The following NATD1 variants were observed in gnomAD, a reference collection of about 807,000 sequenced individuals.
The protein encoded by NATD1 is N-acetyltransferase domain containing 1.
In NATD1, 9 loss-of-function variants were observed where a neutral mutation model predicts 12.0. The observed-to-expected ratio is 0.75, with a 90% CI of 0.45 to 1.30. The LOEUF (loss-of-function observed/expected upper bound fraction) is 1.30. NATD1 is among the 50% of genes most tolerant of loss of function. The pLI, the probability that NATD1 is intolerant of heterozygous loss-of-function variation, is 0.00. For missense variants in NATD1, 148 were observed against 148.5 expected (o/e 1.00, Z 0.02); for synonymous variants, 71 against 65.9 (o/e 1.08, Z -0.37).
At chr17:21,246,864 A>G (rs1473589638) in intron 1 of NATD1, among the ~76,000 whole-genome samples, 2 of 152,168 alleles carry the variant, frequency 1.3e-5, no homozygotes, top group African/African-American at 4.8e-5. Flanking sequence ...AGCACGTGCA[A>G]AGGCCCTGGG....
chr17:21,243,254 G>A lies in NATD1; in HGVS notation c.*59C>T, dbSNP rs181131140. On this transcript the variant is annotated 3_prime_UTR_variant, in exon 3 of 3. Coordinates refer to ENST00000611551, the MANE Select transcript of NATD1 (RefSeq NM_152914.3). ...GACCAGGTTCCTGAGAGCACGTGGGGCCAGGCAAAGGCCACGTGGAAGAGT... is the reference window on the plus strand; with the variant it reads ...GACCAGGTTCCTGAGAGCACGTGGGACCAGGCAAAGGCCACGTGGAAGAGT... The A allele has an allele frequency of 1.4e-6, 2 of 1,415,048 alleles. No homozygotes were observed. The highest frequency in any genetic ancestry group is 1.9e-5 in the Admixed American group (1 of 53,902). The allele number at this position is 1,415,048 out of a possible 1,614,324, so 87.7% of individuals were successfully genotyped here. A position where few individuals can be genotyped will look rare whatever the true frequency, so the allele number is the denominator to read the frequency against.
At chr17:21,249,019 C>A (rs959102944) in intron 1 of NATD1, among the ~76,000 whole-genome samples, 1 of 152,108 alleles carries the variant, frequency 6.6e-6, no homozygotes, top group South Asian at 2.1e-4. Context: ...CACCCCCATG[C>A]TCTCTCTGCC....
At chr17:21,246,386 T>A (rs1208456394) in intron 1 of NATD1, among the ~76,000 whole-genome samples, 1 of 151,752 alleles carries the variant, frequency 6.6e-6, no homozygotes, top group Non-Finnish European at 1.5e-5. Context: ...TGGTAGCGGG[T>A]GCTTGTAATC....
intron 1 of NATD1, among the ~76,000 whole-genome samples, chr17:21,251,313 A>C (rs1463767027): frequency 1.4e-5 from 2 of 147,888 alleles, no homozygotes; most frequent in African/African-American, 2.5e-5. Context: ...AAAAAAAAAC[A>C]AACGTATCCC....
chr17:21,253,236 AGCGGCACG>A lies in NATD1; in HGVS notation c.21_28del (p.Val8GlyfsTer29), dbSNP rs1975396267. 7.0e-6 allele frequency: 7 copies of A among 997,974 alleles called. No individual in the cohort carries two copies. The highest frequency in any genetic ancestry group is 8.3e-6 in the Non-Finnish European group (7 of 840,086). The allele number at this position is 997,974 out of a possible 1,614,324, so 61.8% of individuals were successfully genotyped here. On this transcript the variant is annotated frameshift_variant, in exon 1 of 3. Transcript: ENST00000611551. LOFTEE classifies it high-confidence loss of function. ...GGGGCAGCCCTGCTCCAGCGCGCCC[AGCGGCACG>A]GCGGCAGCCGAGTGCGCCATCTGCG...
rs1157564635 is a variant in NATD1 at position 21,242,542 on chromosome 17, G to C, written c.*771C>G. 6.6e-6 allele frequency: 1 copy of C among 152,262 alleles called. No individual in the cohort carries two copies. The highest frequency in any genetic ancestry group is 1.5e-5 in the Non-Finnish European group (1 of 68,078). 9.4% of individuals were successfully genotyped at this position (152,262 alleles called of 1,614,324 possible). ...TCAGGCCCCCTTGGATCTCCTCCTGGCAGACAGGGGTATAGGGGATAGCAG... is the reference window on the plus strand; with the variant it reads ...TCAGGCCCCCTTGGATCTCCTCCTGCCAGACAGGGGTATAGGGGATAGCAG... On this transcript the variant is annotated 3_prime_UTR_variant, in exon 3 of 3. Coordinates refer to ENST00000611551, the MANE Select transcript of NATD1 (RefSeq NM_152914.3).
intron 1 of NATD1, among the ~76,000 whole-genome samples, chr17:21,251,422 G>T (rs1421964943): frequency 6.6e-6 from 1 of 152,154 alleles, no homozygotes; most frequent in Non-Finnish European, 1.5e-5. Flanking sequence ...AAGCCATGAG[G>T]CCTCTCTCCC....
At chr17:21,243,790 T>A (rs1305171646) in intron 2 of NATD1, among the ~76,000 whole-genome samples, 1 of 152,048 alleles carries the variant, frequency 6.6e-6, no homozygotes, top group Non-Finnish European at 1.5e-5. Flanking sequence ...TGGCTGTAAC[T>A]CCCTTCATTA....
Position 21,243,055 on chromosome 17 carries a change from G to T in NATD1, c.*258C>A. 2.5e-6 allele frequency: 1 copy of T among 404,736 alleles called. No individual in the cohort carries two copies. Among genetic ancestry groups the T allele is most frequent in the Non-Finnish European group, 4.6e-6 (1 of 219,194 alleles). The allele number at this position is 404,736 out of a possible 1,614,324, so 25.1% of individuals were successfully genotyped here. On this transcript the variant is annotated 3_prime_UTR_variant, in exon 3 of 3. Coordinates refer to ENST00000611551, the MANE Select transcript of NATD1 (RefSeq NM_152914.3). The stretch of plus-strand genomic sequence containing the variant: ...TCTAGCCCCTACGTGTGACCCACAG[G>T]CCTCCCACGAAGCCGCTGGTCTCTG...
At chr17:21,247,596 A>G (rs1425710270) in intron 1 of NATD1, among the ~76,000 whole-genome samples, 4 of 152,182 alleles carry the variant, frequency 2.6e-5, no homozygotes, top group Non-Finnish European at 5.9e-5. Flanking sequence ...TGGGGCAGAG[A>G]GGTGTCGGGA....
In NATD1 at chr17:21,239,817, A is replaced by G; in HGVS notation, c.*3496T>C. ...AAAAAAGATTGCAACAGGCCTGGCAATTTATCTTTCATTCTGAGTAGCCAT... is the reference window on the plus strand; with the variant it reads ...AAAAAAGATTGCAACAGGCCTGGCAGTTTATCTTTCATTCTGAGTAGCCAT... On this transcript the variant is annotated 3_prime_UTR_variant, in exon 3 of 3. Transcript: ENST00000611551. 1 of 152,278 alleles carries G rather than the reference A, an allele frequency of 6.6e-6. No homozygotes were observed. Among genetic ancestry groups the G allele is most frequent in the East Asian group, 1.9e-4 (1 of 5,194 alleles). The allele number at this position is 152,278 out of a possible 1,614,324, so 9.4% of individuals were successfully genotyped here.
intron 1 of NATD1, among the ~76,000 whole-genome samples, chr17:21,251,297 A>G (rs1975373311): frequency 6.6e-6 from 1 of 151,624 alleles, no homozygotes; most frequent in Admixed American, 6.6e-5. Flanking sequence ...GAAAAAGAAA[A>G]AAAAAAAAAA....
Position 21,240,280 on chromosome 17 carries a change from G to A in NATD1, c.*3033C>T, listed in dbSNP as rs891094854. The A allele has an allele frequency of 2.0e-5, 3 of 152,226 alleles. No individual in the cohort carries two copies. Among genetic ancestry groups the A allele is most frequent in the Non-Finnish European group, 4.4e-5 (3 of 68,052 alleles). The allele number at this position is 152,226 out of a possible 1,614,324, so 9.4% of individuals were successfully genotyped here. On this transcript the variant is annotated 3_prime_UTR_variant, in exon 3 of 3. Coordinates refer to ENST00000611551, the MANE Select transcript of NATD1 (RefSeq NM_152914.3). ...TATCCTGCAGGGAGACCTCAGCCAA[G>A]CCCCAGTGACACGCAGGGTCTCGCT...
chr17:21,244,012 C>T lies in NATD1; in HGVS notation c.225+94G>A. The stretch of plus-strand genomic sequence containing the variant: ...AGAGGACCCAGGGCCAAGAAGCAGG[C>T]TGAAGTGGCCACCAGGGCCACCGTC... On this transcript the variant is annotated intron_variant, in intron 2 of 2. Transcript: ENST00000611551. This position sits in a 1 kb window ranked among gnomAD's most constrained non-coding sequence, Gnocchi z 5.2. 1.7e-6 allele frequency: 2 copies of T among 1,149,510 alleles called. No individual in the cohort carries two copies. Among genetic ancestry groups the T allele is most frequent in the African/African-American group, 1.5e-5 (1 of 64,742 alleles). 71.2% of individuals were successfully genotyped at this position (1,149,510 alleles called of 1,614,324 possible).
At chr17:21,251,751 C>T (rs775685495) in intron 1 of NATD1, among the ~76,000 whole-genome samples, 2 of 152,202 alleles carry the variant, frequency 1.3e-5, no homozygotes, top group African/African-American at 2.4e-5. Flanking sequence ...AAATGTGGGT[C>T]GCAGGAGCCC....
chr17:21,250,483 C>T (rs777701849), intron 1 of NATD1, among the ~76,000 whole-genome samples: 1 of 152,196 alleles, frequency 6.6e-6, no homozygotes, highest in Non-Finnish European at 1.5e-5. Flanking sequence ...GTCCATTTCC[C>T]TCTCTAAACT....
chr17:21,247,861 G>C (rs1975339889), intron 1 of NATD1, among the ~76,000 whole-genome samples: 2 of 152,290 alleles, frequency 1.3e-5, no homozygotes, highest in South Asian at 4.1e-4. Context: ...GTGGCTGACA[G>C]TGCTACCCTG....
At chr17:21,251,548 G>A (rs1277607869) in intron 1 of NATD1, among the ~76,000 whole-genome samples, 1 of 152,142 alleles carries the variant, frequency 6.6e-6, no homozygotes, top group Non-Finnish European at 1.5e-5. Flanking sequence ...GTGAAGTTCT[G>A]GGTGATGCTG....
chr17:21,247,909 AG>A (rs891167929), intron 1 of NATD1, among the ~76,000 whole-genome samples: 25 of 152,146 alleles, frequency 1.6e-4, no homozygotes, highest in African/African-American at 5.8e-4. Flanking sequence ...GCGGGCAGTC[AG>A]GGGAGGCCTC....
Sources: gnomAD v4.1 joint callset for allele counts (sites outside exome capture counted in the v4.1 genomes callset) on GRCh38, gnomAD v4.1.1 for gene constraint, Gnocchi (gnomAD v3.1) non-coding constraint, MANE v1.5 for transcripts, NCBI Gene and HGNC (gene_info 2026-07-23, HGNC 2026-07-21) for gene names.